Variants in GRIP1 observed in about 807,000 individuals in gnomAD.
GRIP1 encodes glutamate receptor interacting protein 1, also known as glutamate receptor-interacting protein 1.
A neutral mutation model predicts 129.9 loss-of-function variants in GRIP1; 45 were observed. That is an observed-to-expected ratio of 0.35 (90% CI 0.27 to 0.44). The LOEUF (loss-of-function observed/expected upper bound fraction) is 0.44. GRIP1 is among the 20% of genes least tolerant of loss of function. GRIP1 has a pLI of 1.00. For missense variants in GRIP1, 1,196 were observed against 1,396.8 expected (o/e 0.86, Z 2.29); for synonymous variants, 530 against 520.8 (o/e 1.02, Z -0.24).
At chr12:66,757,503 C>A (rs1315682875) in intron 1 of GRIP1, among the ~76,000 whole-genome samples, 4 of 152,144 alleles carry the variant, frequency 2.6e-5, no homozygotes, top group Non-Finnish European at 4.4e-5. Context: ...TCATCAGCAA[C>A]AAAGGTTGCT....
At chr12:67,047,989 T>G (rs2043280940) in intron 1 of GRIP1, among the ~76,000 whole-genome samples, 2 of 152,170 alleles carry the variant, frequency 1.3e-5, no homozygotes, top group Admixed American at 6.5e-5. Context: ...AGTCTTTAAT[T>G]GCTAATATTA....
chr12:66,747,500 G>A (rs1302058561), intron 1 of GRIP1, among the ~76,000 whole-genome samples: 1 of 152,076 alleles, frequency 6.6e-6, no homozygotes, highest in East Asian at 1.9e-4. Context: ...TTCTGATTGG[G>A]ATGAAAAACA....
intron 1 of GRIP1, among the ~76,000 whole-genome samples, chr12:67,027,795 AG>A (rs2042961660): frequency 6.6e-6 from 1 of 152,232 alleles, no homozygotes; most frequent in Admixed American, 6.5e-5. Flanking sequence ...GCATGACAAG[AG>A]TCTGGCGAGA....
intron 1 of GRIP1, among the ~76,000 whole-genome samples, chr12:67,013,152 A>G (rs1404799429): frequency 3.3e-5 from 5 of 152,176 alleles, no homozygotes; most frequent in Non-Finnish European, 7.4e-5. Flanking sequence ...GCAGCAGAAA[A>G]TAAATATTGC....
chr12:66,578,232 G>GTTTTTTTTTTTTT (rs547352236), intron 2 of GRIP1, among the ~76,000 whole-genome samples: 13,166 of 101,868 alleles, frequency 0.13, 1,457 homozygotes, highest in Non-Finnish European at 0.16. Context: ...CAAAACCGCG[G>GTTTTTTTTTTTTT]TTTTTTTTTT....
intron 2 of GRIP1, among the ~76,000 whole-genome samples, chr12:66,575,545 CAGA>C (rs1046786645): frequency 2.1e-4 from 32 of 152,106 alleles, no homozygotes; most frequent in African/African-American, 6.8e-4. Context: ...GTCTGAAGAG[CAGA>C]AGAAGAGTTC....
chr12:66,765,264 C>G (rs1191388187), intron 1 of GRIP1, among the ~76,000 whole-genome samples: 1 of 152,256 alleles, frequency 6.6e-6, no homozygotes, highest in East Asian at 1.9e-4. Flanking sequence ...TAGGGCAATG[C>G]TGCACCCACT....
intron 7 of GRIP1, among the ~76,000 whole-genome samples, chr12:66,470,601 AC>A (rs1285667928): frequency 6.6e-6 from 1 of 152,138 alleles, no homozygotes; most frequent in Non-Finnish European, 1.5e-5. Flanking sequence ...AGGAGAATCT[AC>A]CAGACCTGCT....
intron 1 of GRIP1, among the ~76,000 whole-genome samples, chr12:66,724,676 C>T (rs1057233086): frequency 6.6e-6 from 1 of 152,150 alleles, no homozygotes; most frequent in African/African-American, 2.4e-5. Flanking sequence ...TTAGAAATTA[C>T]TCCATGTTTC....
chr12:66,646,748 CAT>C (rs2032404405), intron 1 of GRIP1, among the ~76,000 whole-genome samples: 1 of 152,110 alleles, frequency 6.6e-6, no homozygotes, highest in Non-Finnish European at 1.5e-5. Context: ...AGGAAAGTCA[CAT>C]ATAAATTCAA....
chr12:66,655,164 C>T (rs1462492104), intron 1 of GRIP1, among the ~76,000 whole-genome samples: 1 of 152,184 alleles, frequency 6.6e-6, no homozygotes, highest in Admixed American at 6.5e-5. Context: ...CCACGTTCCC[C>T]CAAGAGGCAA....
In GRIP1 at chr12:66,818,998, T is replaced by C. The variant is rs373445286; in HGVS notation, c.59-222071A>G. Among the ~76,000 whole-genome samples the C allele has an allele frequency of 8.5e-5, 13 of 152,354 alleles. 1 individual carries two copies. The highest frequency in any genetic ancestry group is 2.4e-4 in the African/African-American group (10 of 41,584). On this transcript the variant is annotated intron_variant, in intron 1 of 1. Coordinates refer to the GRIP1 transcript ENST00000643019. ...GCTTTAATAATTTCAGAAGTACAAATACTAACAATGTACTTAAATGTCTTT... is the reference window on the plus strand; with the variant it reads ...GCTTTAATAATTTCAGAAGTACAAACACTAACAATGTACTTAAATGTCTTT...
At chr12:66,639,265 A>C (rs865835694) in intron 1 of GRIP1, among the ~76,000 whole-genome samples, 1 of 152,178 alleles carries the variant, frequency 6.6e-6, no homozygotes, top group Non-Finnish European at 1.5e-5. Context: ...GGTGGGAAGA[A>C]GTGAGTACTG....
chr12:66,839,607 A>G (rs1346155555), intron 1 of GRIP1, among the ~76,000 whole-genome samples: 1 of 152,216 alleles, frequency 6.6e-6, no homozygotes, highest in Non-Finnish European at 1.5e-5. Context: ...ATGAAAAACA[A>G]TGAAGAAAGA....
At chr12:66,371,548 C>T (rs532152022) in intron 23 of GRIP1, 146 bp downstream of exon 23, 1 of 682,562 alleles carries the variant, frequency 1.5e-6, no homozygotes, top group South Asian at 1.6e-5. Flanking sequence ...ATTTTGAGAA[C>T]AAAGTCTCTG....
chr12:66,631,189 T>G (rs548711713), intron 1 of GRIP1, among the ~76,000 whole-genome samples: 17 of 152,138 alleles, frequency 1.1e-4, no homozygotes, highest in Non-Finnish European at 2.4e-4. Context: ...CTGCCTGTCT[T>G]GGCCTCCCAA....
At chr12:66,991,718 A>G (rs2042397428) in intron 1 of GRIP1, among the ~76,000 whole-genome samples, 1 of 152,226 alleles carries the variant, frequency 6.6e-6, no homozygotes, top group African/African-American at 2.4e-5. Flanking sequence ...TAATGGTGAT[A>G]TAAAAGCAGT....
intron 11 of GRIP1, among the ~76,000 whole-genome samples, chr12:66,450,259 T>C (rs969418236): frequency 8.2e-6 from 1 of 121,672 alleles, no homozygotes; most frequent in East Asian, 2.5e-4. Context: ...AGCGGAGATC[T>C]CGCCACTGCA....
chr12:66,881,242 G>C (rs11614440), intron 1 of GRIP1, among the ~76,000 whole-genome samples: 2 of 152,110 alleles, frequency 1.3e-5, no homozygotes, highest in African/African-American at 4.8e-5. Context: ...TGGCAGTGTA[G>C]AGCTTCCTTT....
Sources: gnomAD v4.1 joint callset for allele counts (sites outside exome capture counted in the v4.1 genomes callset) on GRCh38, gnomAD v4.1.1 for gene constraint, MANE v1.5 for transcripts, NCBI Gene and HGNC (gene_info 2026-07-23, HGNC 2026-07-21) for gene names.